Variants in ROBO1 observed in about 807,000 individuals in gnomAD.
ROBO1 encodes roundabout homolog 1.
A neutral mutation model predicts 195.9 loss-of-function variants in ROBO1; 149 were observed. The observed-to-expected ratio is 0.76, with a 90% CI of 0.67 to 0.87. ROBO1 has a LOEUF of 0.87. ROBO1 is among the 40% of genes least tolerant of loss of function. The pLI is 0.00. For missense variants in ROBO1, 1,933 were observed against 2,068.3 expected (o/e 0.93, Z 1.27); for synonymous variants, 816 against 733.2 (o/e 1.11, Z -1.82).
chr3:79,385,341 T>G (rs1187214969), intron 2 of ROBO1, among the ~76,000 whole-genome samples: 1 of 152,114 alleles, frequency 6.6e-6, no homozygotes, highest in East Asian at 1.9e-4. Flanking sequence ...GAAAATAGCT[T>G]TTTTTAGGAA....
At chr3:78,892,573 A>T (rs979601452) in intron 4 of ROBO1, among the ~76,000 whole-genome samples, 1 of 152,192 alleles carries the variant, frequency 6.6e-6, no homozygotes, top group Non-Finnish European at 1.5e-5. Flanking sequence ...GAGTAATAAT[A>T]GCTCAAGAAG....
intron 2 of ROBO1, among the ~76,000 whole-genome samples, chr3:79,185,435 T>C (rs1410333808): frequency 6.6e-6 from 1 of 152,172 alleles, no homozygotes; most frequent in Non-Finnish European, 1.5e-5. Flanking sequence ...TGTAAATACA[T>C]AGAGATACTA....
At chr3:78,731,462 C>T (rs1163144124) in intron 5 of ROBO1, among the ~76,000 whole-genome samples, 2 of 152,074 alleles carry the variant, frequency 1.3e-5, no homozygotes, top group South Asian at 2.1e-4. Flanking sequence ...CTTGATCTGA[C>T]ATTTCCTGCC....
At chr3:78,879,188 C>T (rs1276075939) in intron 4 of ROBO1, among the ~76,000 whole-genome samples, 1 of 152,132 alleles carries the variant, frequency 6.6e-6, no homozygotes, top group Non-Finnish European at 1.5e-5. Flanking sequence ...AAGCATATAA[C>T]TAAAAACTGG....
intron 4 of ROBO1, among the ~76,000 whole-genome samples, chr3:78,928,911 T>C (rs2039358748): frequency 6.6e-6 from 1 of 152,160 alleles, no homozygotes; most frequent in Non-Finnish European, 1.5e-5. Context: ...TAAATCTACA[T>C]ACAGGACAGT....
intron 4 of ROBO1, among the ~76,000 whole-genome samples, chr3:78,818,919 T>TATATTATTATAATTATA (rs1287007475): frequency 1.9e-4 from 29 of 152,334 alleles, no homozygotes; most frequent in Admixed American, 3.3e-4. Flanking sequence ...TTGTTATAAT[T>TATATTATTATAATTATA]GTTCTACCTT....
chr3:79,137,229 G>A (rs771345859), intron 2 of ROBO1, among the ~76,000 whole-genome samples: 1 of 152,036 alleles, frequency 6.6e-6, no homozygotes, highest in African/African-American at 2.4e-5. Context: ...TTTAGTGACT[G>A]GATGGTTCTT....
chr3:78,674,321 C>T (rs1708265339), intron 10 of ROBO1, among the ~76,000 whole-genome samples: 1 of 152,158 alleles, frequency 6.6e-6, no homozygotes, highest in East Asian at 1.9e-4. Flanking sequence ...GTTCTGTTTG[C>T]AAACAGTAAA....
rs199809143 is a variant in ROBO1 at position 79,390,097 on chromosome 3, TA to T, written c.88+199726del. On this transcript the variant is annotated intron_variant, in intron 2 of 30. Transcript: ENST00000464233. The stretch of plus-strand genomic sequence containing the variant: ...GATGGGAGAGAATAAGAAATATCAA[TA>T]AAAAATTCTATATTTTTTAACTTAA... Among the ~76,000 whole-genome samples the T allele has an allele frequency of 5.2e-3, 791 of 152,138 alleles. 3 individuals carry two copies. Among genetic ancestry groups the T allele is most frequent in the Middle Eastern group, 0.037 (11 of 294 alleles).
intron 2 of ROBO1, among the ~76,000 whole-genome samples, chr3:79,391,122 CAAAAAAA>C (rs952765742): frequency 3.0e-5 from 3 of 100,810 alleles, no homozygotes; most frequent in African/African-American, 3.4e-5. Context: ...CTGTCTCTAC[CAAAAAAA>C]AAAAAAAAAA....
At chr3:79,761,540 A>T (rs1502289) in intron 1 of ROBO1, among the ~76,000 whole-genome samples, 2,306 of 152,274 alleles carry the variant, frequency 0.015, 58 homozygotes, top group African/African-American at 0.053. Flanking sequence ...TCTGCTAATC[A>T]AACTTGTCAT....
chr3:78,626,718 T>C lies in ROBO1; in HGVS notation c.3875+603A>G, dbSNP rs552307635. Among the ~76,000 whole-genome samples the C allele has an allele frequency of 1.1e-4, 16 of 151,240 alleles. 1 individual carries two copies. The highest frequency in any genetic ancestry group is 3.4e-4 in the African/African-American group (14 of 41,062). ...GTATTGGTTGGGGATGCTCAATACA[T>C]AGGTTTAAAAAAGTCTAAGCACACA... On this transcript the variant is annotated intron_variant, in intron 26 of 30. Transcript: ENST00000464233.
In ROBO1 at chr3:78,617,756, G is replaced by A. The variant is rs1271223646; in HGVS notation, c.4161C>T (p.Arg1387=). 2 of 1,613,952 alleles carry A rather than the reference G, an allele frequency of 1.2e-6. No individual in the cohort carries two copies. Among genetic ancestry groups the A allele is most frequent in the South Asian group, 1.1e-5 (1 of 91,086 alleles). ...AGCCGTCCGAAGAACTAACACTGGA[G>A]CGTCCGCTGGAAATGTTGTCCTCCT... ...ASEEDNISSG[R]SSVSSSDGSF... The change falls in exon 27 of 31, where the codon CGC becomes CGT. Residue 1387 remains arginine, a synonymous_variant. Transcript: ENST00000464233.
intron 1 of ROBO1, among the ~76,000 whole-genome samples, chr3:79,634,739 A>G (rs1945446291): frequency 6.6e-6 from 1 of 152,214 alleles, no homozygotes. Context: ...GAAAAAATAC[A>G]GAAGTCATTT....
intron 23 of ROBO1, 78 bp downstream of exon 23, chr3:78,635,695 C>A (rs760001523): frequency 8.0e-7 from 1 of 1,252,550 alleles, no homozygotes; most frequent in Non-Finnish European, 1.1e-6. Context: ...TTGCTAGTCG[C>A]AGACAAGTTT....
At chr3:79,260,587 A>C (rs2082921622) in intron 2 of ROBO1, among the ~76,000 whole-genome samples, 1 of 152,154 alleles carries the variant, frequency 6.6e-6, no homozygotes, top group Admixed American at 6.5e-5. Context: ...TACTTAAAGT[A>C]GTTTAGTTAT....
At chr3:79,432,584 T>C (rs997202725) in intron 2 of ROBO1, among the ~76,000 whole-genome samples, 1 of 152,164 alleles carries the variant, frequency 6.6e-6, no homozygotes, top group Non-Finnish European at 1.5e-5. Flanking sequence ...AATGGCTTAA[T>C]TCTTTCGCAC....
At chr3:78,633,887 A>C (rs1705327132) in intron 24 of ROBO1, 48 bp downstream of exon 24, 1 of 1,280,890 alleles carries the variant, frequency 7.8e-7, no homozygotes, top group Non-Finnish European at 1.1e-6. Flanking sequence ...GTAATCTTGG[A>C]AAGTACCAGC....
chr3:79,763,803 T>C (rs1002477957), intron 1 of ROBO1, among the ~76,000 whole-genome samples: 1 of 152,124 alleles, frequency 6.6e-6, no homozygotes, highest in Admixed American at 6.5e-5. Flanking sequence ...AGTTTGCTCT[T>C]GGAGAAATGC....
Sources: allele counts gnomAD v4.1 joint callset (sites outside exome capture counted in the v4.1 genomes callset), GRCh38; gene constraint gnomAD v4.1.1; transcripts MANE v1.5; gene names NCBI Gene and HGNC (gene_info 2026-07-23, HGNC 2026-07-21).